The following CLCC1 variants were observed in gnomAD, a reference collection of about 807,000 sequenced individuals.
The protein encoded by CLCC1 is chloride channel CLIC like 1.
CLCC1 carries 39 observed loss-of-function variants against 63.3 expected under a neutral mutation model. The observed-to-expected ratio is 0.62, with a 90% confidence interval of 0.48 to 0.81. The LOEUF is 0.81. Among genes scored for constraint, CLCC1 ranks in the 30% least tolerant of loss-of-function variants. The pLI, the probability that CLCC1 is intolerant of heterozygous loss-of-function variation, is 0.00. For synonymous variants in CLCC1, 217 were observed against 239.8 expected (o/e 0.90, Z 0.88); for missense variants, 549 against 669.4 (o/e 0.82, Z 1.98).
At chr1:108,944,095 G>C (rs370703287) in intron 5 of CLCC1, 38 bp from the exon 6 acceptor site, 140 of 1,428,946 alleles carry the variant, frequency 9.8e-5, no homozygotes, top group South Asian at 2.6e-4. Context: ...AATAGAAAGA[G>C]AATTTTATTA....
In CLCC1 at chr1:108,929,963, C is replaced by G; in HGVS notation, c.*2584G>C. 8.7e-6 allele frequency: 14 copies of G among 1,602,948 alleles called. No individual in the cohort carries two copies. The highest frequency in any genetic ancestry group is 1.1e-5 in the Non-Finnish European group (13 of 1,170,998). On this transcript the variant is annotated 3_prime_UTR_variant, in exon 13 of 13. Coordinates refer to ENST00000369969, the MANE Select transcript of CLCC1 (RefSeq NM_001377458.1). Reference sequence around the variant, plus strand: ...TAGTTACTATGGATTTATTTTTTTTCCTTTCAAACACGGTAAGGAAACAAT... The same window carrying G: ...TAGTTACTATGGATTTATTTTTTTTGCTTTCAAACACGGTAAGGAAACAAT...
Position 108,929,862 on chromosome 1 carries a change from CT to C in CLCC1, c.*2684del, listed in dbSNP as rs1651609962. ...AAAGAGATCAAAACAGAGACACTGA[CT>C]TTGGGCTAAAGGACTTTTTGCAAAA... On this transcript the variant is annotated 3_prime_UTR_variant, in exon 13 of 13. Transcript: ENST00000369969. 1 of 1,613,676 alleles carries C rather than the reference CT, an allele frequency of 6.2e-7. No homozygotes were observed. The highest frequency in any genetic ancestry group is 1.3e-5 in the African/African-American group (1 of 74,906).
chr1:108,933,550 T>C (rs1652355818), intron 12 of CLCC1: 1 of 152,280 alleles, frequency 6.6e-6, no homozygotes, highest in African/African-American at 2.4e-5. Flanking sequence ...TACAAATATC[T>C]GCATGAAAAT....
chr1:108,963,014 A>C (rs1215064183), intron 1 of CLCC1, among the ~76,000 whole-genome samples: 6 of 152,254 alleles, frequency 3.9e-5, no homozygotes, highest in Non-Finnish European at 8.8e-5. Context: ...ATTTATTCAA[A>C]TTATGCTTAA....
At chr1:108,942,944 C>G (rs1654029339) in intron 7 of CLCC1, among the ~76,000 whole-genome samples, 1 of 151,910 alleles carries the variant, frequency 6.6e-6, no homozygotes, top group Non-Finnish European at 1.5e-5. Flanking sequence ...TGAGACAGAC[C>G]TCACTCTGTG....
At chr1:108,960,579 C>T (rs1219297840) in intron 2 of CLCC1, among the ~76,000 whole-genome samples, 4 of 151,940 alleles carry the variant, frequency 2.6e-5, no homozygotes, top group Non-Finnish European at 4.4e-5. Context: ...ATTAAGGTTA[C>T]GGGAAGGGTT....
rs548120642 is a variant in CLCC1, at chr1:108,931,234, A to AACTC, written c.*1309_*1312dup. ...CATAAACAAACAGAAAACAGATGAA[A>AACTC]ACTCACAAAAATTAAATATGAAAGA... On this transcript the variant is annotated 3_prime_UTR_variant, in exon 13 of 13. Transcript: ENST00000369969. The AACTC allele has an allele frequency of 2.5e-4, 346 of 1,389,112 alleles. 3 individuals carry two copies. The East Asian group carries it at 7.7e-3, about 31-fold the overall frequency. The allele number at this position is 1,389,112 out of a possible 1,614,324, so 86.0% of individuals were successfully genotyped here. A position where few individuals can be genotyped will look rare whatever the true frequency, so the allele number is the denominator to read the frequency against.
intron 1 of CLCC1, 55 bp downstream of exon 1, chr1:108,963,306 A>G (rs1656917241): frequency 5.9e-6 from 4 of 677,892 alleles, no homozygotes; most frequent in Non-Finnish European, 1.1e-5. Context: ...CCAGGGCGTA[A>G]CGGCGGGTAA....
rs142773865 is a variant in CLCC1, at chr1:108,939,743, A to G, written c.934T>C (p.Leu312=). The G allele has an allele frequency of 3.5e-5, 57 of 1,614,132 alleles. No individual in the cohort carries two copies. The African/African-American group carries it at 6.8e-4, about 19-fold the overall frequency. Residue 312 remains leucine (L), a synonymous_variant, in exon 10 of 13, where the codon TTG becomes CTG. Coordinates refer to ENST00000369969, the MANE Select transcript of CLCC1 (RefSeq NM_001377458.1). ...VTFTTFVTEP[L]KHIGKGTGEF... Reference sequence around the variant, plus strand: ...CCAGTTCCTTTTCCAATATGCTTCAATGGCTCCGTTACAAATGTGGTGAAT... The same window carrying G: ...CCAGTTCCTTTTCCAATATGCTTCAGTGGCTCCGTTACAAATGTGGTGAAT...
intron 2 of CLCC1, among the ~76,000 whole-genome samples, chr1:108,960,912 T>G (rs541538662): frequency 6.6e-6 from 1 of 152,136 alleles, no homozygotes; most frequent in South Asian, 2.1e-4. Flanking sequence ...AGTCCCGAAC[T>G]CCTGAGCTCA....
At chr1:108,938,772 TAAG>T (rs1653375773) in intron 10 of CLCC1, among the ~76,000 whole-genome samples, 1 of 152,124 alleles carries the variant, frequency 6.6e-6, no homozygotes, top group East Asian at 1.9e-4. Context: ...TGACTAGAAA[TAAG>T]AAGTCCCCCT....
chr1:108,952,030 G>T (rs897999478), intron 2 of CLCC1, among the ~76,000 whole-genome samples: 1 of 151,894 alleles, frequency 6.6e-6, no homozygotes, highest in Admixed American at 6.6e-5. Flanking sequence ...CTCCCACCTC[G>T]GCCTCCCAAA....
chr1:108,947,262 T>C (rs1043308581), intron 5 of CLCC1, among the ~76,000 whole-genome samples: 4 of 152,146 alleles, frequency 2.6e-5, no homozygotes, highest in Non-Finnish European at 5.9e-5. Flanking sequence ...AGAAAACACA[T>C]TTTTCTTTTT....
chr1:108,957,542 TA>T (rs1325291559), intron 2 of CLCC1, among the ~76,000 whole-genome samples: 1 of 151,510 alleles, frequency 6.6e-6, no homozygotes, highest in Non-Finnish European at 1.5e-5. Context: ...TACTGAGATA[TA>T]GGGGTTTATT....
rs1553222737 is a variant in CLCC1, at chr1:108,954,028, A to AAAAAAAAAAG, written c.-11-3581_-11-3580insCTTTTTTTTT. 2.8e-3 allele frequency among the ~76,000 whole-genome samples: 410 copies of AAAAAAAAAAG among 148,926 alleles called. 11 individuals carry two copies. Among genetic ancestry groups the AAAAAAAAAAG allele is most frequent in the African/African-American group, 9.9e-3 (388 of 39,260 alleles). On this transcript the variant is annotated intron_variant, in intron 2 of 12. Coordinates refer to ENST00000369969, the MANE Select transcript of CLCC1 (RefSeq NM_001377458.1). ...TCCGTCTCAAAAAAAAAAAAAAAAA[A>AAAAAAAAAAG]CACATCCGACTGGAGAAACTAGAAA...
Position 108,930,188 on chromosome 1 carries a change from TTG to T in CLCC1, c.*2357_*2358del. The T allele has an allele frequency of 2.2e-6, 1 of 450,488 alleles. No individual in the cohort carries two copies. The highest frequency in any genetic ancestry group is 3.9e-6 in the Non-Finnish European group (1 of 254,338). The allele number at this position is 450,488 out of a possible 1,614,324, so 27.9% of individuals were successfully genotyped here. A position where few individuals can be genotyped will look rare whatever the true frequency, so the allele number is the denominator to read the frequency against. Reference sequence around the variant, plus strand: ...TGCTTGGGATGTGTTCTTTGGCAGCTTGTGAGATTACTTTACCTAGTGTTTAT... The same window carrying T: ...TGCTTGGGATGTGTTCTTTGGCAGCTTGAGATTACTTTACCTAGTGTTTAT... On this transcript the variant is annotated 3_prime_UTR_variant, in exon 13 of 13. Coordinates refer to ENST00000369969, the MANE Select transcript of CLCC1 (RefSeq NM_001377458.1).
chr1:108,950,644 G>C (rs1055721507), intron 2 of CLCC1, among the ~76,000 whole-genome samples, 196 bp from the exon 3 acceptor site: 5 of 151,750 alleles, frequency 3.3e-5, no homozygotes, highest in African/African-American at 9.7e-5. Context: ...GGCTAGCTGG[G>C]ACTACAGGTG....
Position 108,929,785 on chromosome 1 carries a change from C to T in CLCC1, c.*2762G>A, listed in dbSNP as rs1451036426. ...AGTACCAGATGAAGACTTTTTCAGC[C>T]TTATTTTACGGTCCCAGGGAAAGAG... On this transcript the variant is annotated 3_prime_UTR_variant, in exon 13 of 13. Transcript: ENST00000369969. 5 of 1,613,928 alleles carry T rather than the reference C, an allele frequency of 3.1e-6. No homozygotes were observed. Among genetic ancestry groups the T allele is most frequent in the Non-Finnish European group, 4.2e-6 (5 of 1,179,844 alleles).
intron 8 of CLCC1, 151 bp from the exon 9 acceptor site, chr1:108,940,293 G>T: frequency 2.3e-6 from 1 of 438,486 alleles, no homozygotes; most frequent in Non-Finnish European, 4.1e-6. Flanking sequence ...CTGTAATGCT[G>T]ATTTTTAAAT....
Sources: allele counts gnomAD v4.1 joint callset (sites outside exome capture counted in the v4.1 genomes callset), GRCh38; gene constraint gnomAD v4.1.1; transcripts MANE v1.5; gene names NCBI Gene and HGNC (gene_info 2026-07-23, HGNC 2026-07-21).